Variants in ANO3 observed in about 807,000 individuals in gnomAD.
ANO3 encodes the protein anoctamin 3.
ANO3 carries 99 observed loss-of-function variants against 144.8 expected under a neutral mutation model. The observed-to-expected ratio is 0.68, with a 90% confidence interval of 0.58 to 0.81. ANO3 has a LOEUF of 0.81. Among genes scored for constraint, ANO3 ranks in the 30% least tolerant of loss-of-function variants. The pLI is 0.00. For synonymous variants in ANO3, 414 were observed against 392.6 expected, an observed-to-expected ratio of 1.05 and a Z score of -0.64; for missense variants, 905 against 1,202.2, an observed-to-expected ratio of 0.75 and a Z score of 3.66.
intron 3 of ANO3, among the ~76,000 whole-genome samples, chr11:26,444,642 C>A (rs72886273): frequency 6.6e-6 from 1 of 152,250 alleles, no homozygotes; most frequent in Non-Finnish European, 1.5e-5. Flanking sequence ...AATTAGTATA[C>A]GTACTTTTAA....
chr11:26,294,710 T>C (rs1335168522), intron 1 of ANO3, among the ~76,000 whole-genome samples: 4 of 152,168 alleles, frequency 2.6e-5, no homozygotes, highest in African/African-American at 9.7e-5. Flanking sequence ...TGTGACTTAC[T>C]CTAGTTTGAT....
At chr11:26,587,125 A>G (rs963972948) in intron 14 of ANO3, among the ~76,000 whole-genome samples, 14 of 151,966 alleles carry the variant, frequency 9.2e-5, no homozygotes, top group African/African-American at 3.4e-4. Flanking sequence ...GACCCTAACA[A>G]TTTTTGCCCT....
intron 9 of ANO3, 129 bp downstream of exon 9, chr11:26,534,691 A>G: frequency 1.7e-6 from 1 of 573,340 alleles, no homozygotes; most frequent in East Asian, 2.9e-5. Context: ...TTGAACACAC[A>G]CTCTATAAGC....
rs563614300 is a variant in ANO3 at position 26,428,538 on chromosome 11, A to G, written c.47-13380A>G. 9.2e-5 allele frequency among the ~76,000 whole-genome samples: 14 copies of G among 152,346 alleles called. No homozygotes were observed. The South Asian group carries it at 2.1e-3, about 23-fold the overall frequency. On this transcript the variant is annotated intron_variant, in intron 1 of 26. Transcript: ENST00000256737. Reference sequence around the variant, plus strand: ...AAGAAAATGGGAGCAAGGATTTTATATCTCATCAAACTGTTTGTTCTTCAG... The same window carrying G: ...AAGAAAATGGGAGCAAGGATTTTATGTCTCATCAAACTGTTTGTTCTTCAG...
intron 7 of ANO3, among the ~76,000 whole-genome samples, chr11:26,530,876 A>C (rs1192721869): frequency 1.3e-5 from 2 of 151,948 alleles, no homozygotes; most frequent in Non-Finnish European, 2.9e-5. Flanking sequence ...AAAGAAAAAA[A>C]ACAAAAACAA....
intron 1 of ANO3, among the ~76,000 whole-genome samples, chr11:26,346,499 G>A (rs1855499021): frequency 6.6e-6 from 1 of 152,026 alleles, no homozygotes; most frequent in African/African-American, 2.4e-5. Flanking sequence ...CCTTCCTTCA[G>A]AATACCTAAT....
chr11:26,534,559 G>T lies in ANO3; in HGVS notation c.973G>T (p.Val325Leu). The T allele has an allele frequency of 6.2e-7, 1 of 1,603,804 alleles. No individual in the cohort carries two copies. Among genetic ancestry groups the T allele is most frequent in the Non-Finnish European group, 8.5e-7 (1 of 1,171,272 alleles). The change falls in exon 9 of 27, where the codon GTG (valine) becomes TTG (leucine). Residue 325 changes from valine to leucine, a missense_variant. Coordinates refer to ENST00000256737, the MANE Select transcript of ANO3 (RefSeq NM_031418.4). The stretch of plus-strand genomic sequence containing the variant: ...CAAATATGAAAATGGAATATCAAAA[G>T]TGGGTAAGAACATTAATTAATAACA... ...RTKYENGISK[V>L]GIRKLINNGS...
chr11:26,362,205 A>C (rs1405015079), intron 1 of ANO3, among the ~76,000 whole-genome samples: 1 of 152,170 alleles, frequency 6.6e-6, no homozygotes, highest in African/African-American at 2.4e-5. Context: ...TTAATCATTA[A>C]AAATAATTTT....
At chr11:26,549,462 G>C (rs1038672867) in intron 12 of ANO3, among the ~76,000 whole-genome samples, 2 of 151,874 alleles carry the variant, frequency 1.3e-5, no homozygotes, top group African/African-American at 4.8e-5. Flanking sequence ...ATTTTGTGTG[G>C]ACTTACGTTA....
rs566035053 is a variant in ANO3 at position 26,576,657 on chromosome 11, C to A, written c.1447+16878C>A. On this transcript the variant is annotated intron_variant, in intron 14 of 26. Transcript: ENST00000256737. The stretch of plus-strand genomic sequence containing the variant: ...TGACCTATTCTCACTCCTCCTGCTG[C>A]ATTTTCTTCATAGCACTTATTGCCA... Among the ~76,000 whole-genome samples, 41 of 152,300 alleles carry A rather than the reference C, an allele frequency of 2.7e-4. No homozygotes were observed. The South Asian group carries it at 8.1e-3, about 30-fold the overall frequency.
At chr11:26,399,612 A>G (rs1482615056) in intron 1 of ANO3, among the ~76,000 whole-genome samples, 2 of 151,798 alleles carry the variant, frequency 1.3e-5, no homozygotes, top group East Asian at 3.9e-4. Context: ...ATTTACCAGC[A>G]GTTTTACTTT....
Position 26,554,017 on chromosome 11 carries a change from G to A in ANO3, c.1386+672G>A, listed in dbSNP as rs1389477713. 3.3e-5 allele frequency among the ~76,000 whole-genome samples: 5 copies of A among 152,108 alleles called. No individual in the cohort carries two copies. In the South Asian group the frequency reaches 6.2e-4, roughly 19 times the overall value. On this transcript the variant is annotated intron_variant, in intron 13 of 26. Coordinates refer to ENST00000256737, the MANE Select transcript of ANO3 (RefSeq NM_031418.4). ...TATATTTTGTTATATGCGTGCACCT[G>A]TGAAACCGTTAGCATAATCAAGATA...
intron 6 of ANO3, among the ~76,000 whole-genome samples, chr11:26,522,136 AT>A: frequency 6.6e-6 from 1 of 152,124 alleles, no homozygotes; most frequent in East Asian, 1.9e-4. Context: ...GTGAGCCGAG[AT>A]CGCGCCACTG....
At chr11:26,523,300 T>C (rs1345648891) in intron 6 of ANO3, among the ~76,000 whole-genome samples, 2 of 152,166 alleles carry the variant, frequency 1.3e-5, no homozygotes, top group African/African-American at 2.4e-5. Flanking sequence ...TCATCACTCA[T>C]AGTTCATCAT....
At chr11:26,471,832 G>A (rs1344925529) in intron 4 of ANO3, among the ~76,000 whole-genome samples, 1 of 151,910 alleles carries the variant, frequency 6.6e-6, no homozygotes, top group Non-Finnish European at 1.5e-5. Flanking sequence ...CAAAAAATAA[G>A]TCAAAGGTGT....
At chr11:26,478,125 GC>G (rs1239804863) in intron 4 of ANO3, among the ~76,000 whole-genome samples, 2 of 152,006 alleles carry the variant, frequency 1.3e-5, no homozygotes, top group African/African-American at 4.8e-5. Context: ...TGTATTTCTC[GC>G]CCCAGGGAAA....
chr11:26,313,572 T>C (rs994791936), intron 1 of ANO3, among the ~76,000 whole-genome samples: 1 of 151,758 alleles, frequency 6.6e-6, no homozygotes. Context: ...CTATAGTCCC[T>C]GCTACTTGGG....
chr11:26,389,567 A>G (rs1856823226), intron 1 of ANO3, among the ~76,000 whole-genome samples: 2 of 152,074 alleles, frequency 1.3e-5, no homozygotes, highest in South Asian at 4.1e-4. Context: ...TTTCAAATGG[A>G]TGATTATAGA....
At chr11:26,369,067 A>AT (rs1163419292) in intron 1 of ANO3, among the ~76,000 whole-genome samples, 1 of 152,048 alleles carries the variant, frequency 6.6e-6, no homozygotes, top group Non-Finnish European at 1.5e-5. Context: ...ATAAGGTTTC[A>AT]TTTTTTAAAA....
Sources: gnomAD v4.1 joint callset for allele counts (sites outside exome capture counted in the v4.1 genomes callset) on GRCh38, gnomAD v4.1.1 for gene constraint, MANE v1.5 for transcripts, NCBI Gene and HGNC (gene_info 2026-07-23, HGNC 2026-07-21) for gene names.